EYS: variants seen among roughly 807,000 people sequenced by gnomAD.
The protein encoded by EYS is EGF-like photoreceptor maintenance factor.
In EYS, 250 loss-of-function variants were observed where a neutral mutation model predicts 282.1. The ratio of observed to expected loss-of-function variants is 0.89; its 90% confidence interval spans 0.80 to 0.98. The LOEUF is 0.98. EYS is among the 50% of genes least tolerant of loss of function. The pLI is 0.00. For synonymous variants in EYS, 1,355 were observed against 1,282.9 expected (o/e 1.06, Z -1.20); for missense variants, 4,016 against 3,709.0 (o/e 1.08, Z -2.15).
At chr6:64,756,072 A>C (rs1772927531) in intron 22 of EYS, among the ~76,000 whole-genome samples, 1 of 152,094 alleles carries the variant, frequency 6.6e-6, no homozygotes, top group Non-Finnish European at 1.5e-5. Flanking sequence ...ATATTTTTCT[A>C]CTCCAAACAG....
At chr6:64,867,506 A>C (rs753455229) in intron 19 of EYS, among the ~76,000 whole-genome samples, 5 of 151,744 alleles carry the variant, frequency 3.3e-5, no homozygotes, top group Non-Finnish European at 7.4e-5. Flanking sequence ...ATCCTATGAC[A>C]CATAGAGCAA....
chr6:64,425,614 A>T (rs1207232703), intron 28 of EYS, among the ~76,000 whole-genome samples: 1 of 143,668 alleles, frequency 7.0e-6, no homozygotes. Context: ...AGATCACGCC[A>T]TTGCACTCCA....
intron 33 of EYS, among the ~76,000 whole-genome samples, chr6:64,052,710 G>A (rs551296941): frequency 4.1e-4 from 62 of 152,256 alleles, no homozygotes; most frequent in African/African-American, 1.5e-3. Context: ...CCAGGTGGAG[G>A]TAATTGAATC....
intron 22 of EYS, among the ~76,000 whole-genome samples, chr6:64,757,499 T>C (rs1772981191): frequency 6.6e-6 from 1 of 152,110 alleles, no homozygotes; most frequent in African/African-American, 2.4e-5. Context: ...ACTGTGTGAG[T>C]GAATAGTAGA....
chr6:64,690,370 A>G (rs1477120657), intron 22 of EYS, among the ~76,000 whole-genome samples: 1 of 152,194 alleles, frequency 6.6e-6, no homozygotes, highest in Non-Finnish European at 1.5e-5. Flanking sequence ...ACGCTTTTAC[A>G]CTGTTGGTGG....
chr6:65,149,719 C>T (rs749942316), intron 12 of EYS, among the ~76,000 whole-genome samples: 7 of 152,274 alleles, frequency 4.6e-5, no homozygotes, highest in Non-Finnish European at 4.4e-5. Flanking sequence ...CCAAACTATT[C>T]CAAACTCTAC....
chr6:64,586,852 T>C (rs767273751), intron 26 of EYS, among the ~76,000 whole-genome samples: 1 of 152,118 alleles, frequency 6.6e-6, no homozygotes, highest in Non-Finnish European at 1.5e-5. Flanking sequence ...ATTTGGTTCA[T>C]GAAGCTCTGA....
At chr6:64,570,272 T>A (rs1050628721) in intron 26 of EYS, among the ~76,000 whole-genome samples, 4 of 152,190 alleles carry the variant, frequency 2.6e-5, no homozygotes, top group Non-Finnish European at 4.4e-5. Context: ...AGGCCTGCCT[T>A]ACCAGAGCTC....
At chr6:65,009,327 T>C (rs1771790242) in intron 13 of EYS, among the ~76,000 whole-genome samples, 1 of 151,836 alleles carries the variant, frequency 6.6e-6, no homozygotes, top group Non-Finnish European at 1.5e-5. Flanking sequence ...ATTTTAGGAG[T>C]AAAGAAACCC....
chr6:65,533,834 A>AT (rs1767873076), intron 2 of EYS, among the ~76,000 whole-genome samples: 1 of 152,160 alleles, frequency 6.6e-6, no homozygotes, highest in Non-Finnish European at 1.5e-5. Context: ...AATTTATGTC[A>AT]TTTTAGTACA....
chr6:65,189,803 T>A (rs974678632), intron 12 of EYS, among the ~76,000 whole-genome samples: 4 of 151,776 alleles, frequency 2.6e-5, no homozygotes, highest in African/African-American at 4.8e-5. Context: ...AAGAAAAGCA[T>A]ATGTGACCAT....
At chr6:65,527,243 G>T (rs532537457) in intron 2 of EYS, among the ~76,000 whole-genome samples, 1 of 152,254 alleles carries the variant, frequency 6.6e-6, no homozygotes, top group East Asian at 1.9e-4. Context: ...ATAAATTACA[G>T]ACACCTATAT....
intron 2 of EYS, among the ~76,000 whole-genome samples, chr6:65,515,254 C>T (rs1035075302): frequency 9.9e-5 from 15 of 151,878 alleles, no homozygotes; most frequent in Non-Finnish European, 1.9e-4. Context: ...CCATCTCACA[C>T]CAGTTAGAAT....
chr6:64,661,983 C>G (rs1451601056), intron 22 of EYS, among the ~76,000 whole-genome samples: 1 of 151,656 alleles, frequency 6.6e-6, no homozygotes, highest in Non-Finnish European at 1.5e-5. Context: ...GGAACCAACC[C>G]AAATGTCCAA....
At chr6:65,330,155 T>C in intron 11 of EYS, 1 of 981,468 alleles carries the variant, frequency 1.0e-6, no homozygotes, top group Non-Finnish European at 1.2e-6. Context: ...ATGAGATGTG[T>C]TCTGAAGAGT....
At chr6:63,826,942 A>T (rs893746930) in intron 36 of EYS, among the ~76,000 whole-genome samples, 1 of 152,056 alleles carries the variant, frequency 6.6e-6, no homozygotes, top group Non-Finnish European at 1.5e-5. Context: ...CAATACTAAC[A>T]TTGAATGTAA....
intron 35 of EYS, among the ~76,000 whole-genome samples, chr6:63,881,343 A>G (rs1314612843): frequency 6.6e-6 from 1 of 152,188 alleles, no homozygotes; most frequent in East Asian, 1.9e-4. Context: ...TTGGAAAGGG[A>G]TTACCTATTG....
At chr6:63,834,558 T>A (rs1189648323) in intron 36 of EYS, among the ~76,000 whole-genome samples, 1 of 150,872 alleles carries the variant, frequency 6.6e-6, no homozygotes, top group Non-Finnish European at 1.5e-5. Context: ...AAACAACAGA[T>A]GCTGGAGAGG....
chr6:64,340,740 G>C (rs1358220299), intron 29 of EYS, among the ~76,000 whole-genome samples: 1 of 151,648 alleles, frequency 6.6e-6, no homozygotes, highest in Non-Finnish European at 1.5e-5. Flanking sequence ...ATACTAAAGA[G>C]CTTCTGCATG....
Sources: gnomAD v4.1 joint callset for allele counts (sites outside exome capture counted in the v4.1 genomes callset) on GRCh38, gnomAD v4.1.1 for gene constraint, MANE v1.5 for transcripts, NCBI Gene and HGNC (gene_info 2026-07-23, HGNC 2026-07-21) for gene names.